The following IL12RB1 variants were observed in gnomAD, a reference collection of about 807,000 sequenced individuals.
IL12RB1 encodes the protein interleukin-12 receptor subunit beta-1.
In IL12RB1, 64 loss-of-function variants were observed where a neutral mutation model predicts 94.4. That is an observed-to-expected ratio of 0.68 (90% CI 0.55 to 0.83). IL12RB1 has a LOEUF of 0.83. Among genes scored for constraint, IL12RB1 ranks in the 40% least tolerant of loss-of-function variants. The pLI, the probability that IL12RB1 is intolerant of heterozygous loss-of-function variation, is 0.00. For synonymous variants in IL12RB1, 362 were observed against 355.5 expected (o/e 1.02, Z -0.21); for missense variants, 814 against 855.6 (o/e 0.95, Z 0.61).
In IL12RB1 at chr19:18,080,985, A is replaced by C; in HGVS notation, c.256T>G (p.Cys86Gly). 1 of 1,612,640 alleles carries C rather than the reference A, an allele frequency of 6.2e-7. No homozygotes were observed. ...GCTGAGCCGGCGGCGAAGTAGCAGC[A>C]GCGCCCGGAGCTAAGGCTGCAGCAG... is the stretch of plus-strand genomic sequence containing the variant. Reference protein sequence around the residue: ...FLRCCLSSGRCCYFAAGSATR... With the variant: ...FLRCCLSSGRGCYFAAGSATR... Residue 86 changes from cysteine to glycine, a missense_variant, in exon 4 of 17, where the codon TGC becomes GGC. By Grantham distance (159) the Cys-to-Gly change is radical. Coordinates refer to ENST00000593993, the MANE Select transcript of IL12RB1 (RefSeq NM_005535.3).
rs142394519 is a variant in IL12RB1 at position 18,064,895 on chromosome 19, G to T, written c.1484-885C>A. ...AAAGCAGGTCCTGGGCTTTCCATAA[G>T]ACACGCCCACCAGTGTGCCATGTCA... On this transcript the variant is annotated intron_variant, in intron 12 of 16. Coordinates refer to ENST00000593993, the MANE Select transcript of IL12RB1 (RefSeq NM_005535.3). Among the ~76,000 whole-genome samples, 355 of 152,210 alleles carry T rather than the reference G, an allele frequency of 2.3e-3. 1 individual carries two copies. Among genetic ancestry groups the T allele is most frequent in the Middle Eastern group, 6.8e-3 (2 of 294 alleles).
At chr19:18,088,159 A>G (rs2036457593), upstream of IL12RB1, among the ~76,000 whole-genome samples, 2 of 152,030 alleles carry the variant, frequency 1.3e-5, no homozygotes, top group South Asian at 4.2e-4. Flanking sequence ...AGGCCAAGGC[A>G]GGTGGATCAC....
chr19:18,065,606 G>A (rs1203910616), intron 12 of IL12RB1, among the ~76,000 whole-genome samples: 1 of 152,114 alleles, frequency 6.6e-6, no homozygotes, highest in African/African-American at 2.4e-5. Context: ...TTCACCTGAG[G>A]TCAAGAGTTT....
At chr19:18,072,567 T>C (rs939097346) in intron 8 of IL12RB1, among the ~76,000 whole-genome samples, 9 of 151,944 alleles carry the variant, frequency 5.9e-5, no homozygotes, top group South Asian at 2.1e-4. Context: ...AGGTGGGAAA[T>C]TGACAAAACC....
At chr19:18,073,888 G>A (rs1444599028) in intron 7 of IL12RB1, among the ~76,000 whole-genome samples, 5 of 152,166 alleles carry the variant, frequency 3.3e-5, no homozygotes, top group African/African-American at 1.2e-4. Flanking sequence ...GCACTGGTGC[G>A]ATCTCGGCTC....
At chr19:18,098,719 A>G (rs1336499547) in intron 1 of IL12RB1, 1 of 456,686 alleles carries the variant, frequency 2.2e-6, no homozygotes. Flanking sequence ...GAAGCCACCA[A>G]GTTTTCAGGT....
Position 18,062,243 on chromosome 19 carries a change from G to A in IL12RB1, c.1653C>T (p.Ala551=), listed in dbSNP as rs768958730. 1.9e-5 allele frequency: 30 copies of A among 1,612,936 alleles called. No individual in the cohort carries two copies. Among genetic ancestry groups the A allele is most frequent in the Non-Finnish European group, 1.9e-5 (22 of 1,179,394 alleles). ...GGATGCTCAGGAAGCTCCCCAGGGA[G>A]GCGAAGAAGATGAGCCAATCAGAAA... ...VQVSDWLIFF[A]SLGSFLSILL... is the part of the protein sequence containing the mutation. Residue 551 remains alanine (A), a synonymous_variant, in exon 14 of 17, where the codon GCC becomes GCT. Coordinates refer to ENST00000593993, the MANE Select transcript of IL12RB1 (RefSeq NM_005535.3).
chr19:18,091,982 T>G (rs1438693263), upstream of IL12RB1, among the ~76,000 whole-genome samples: 1 of 150,662 alleles, frequency 6.6e-6, no homozygotes, highest in Admixed American at 6.6e-5. Flanking sequence ...GTTTAAGCAA[T>G]TCTCCTGCCT....
rs188077853 is a variant in IL12RB1 at position 18,069,858 on chromosome 19, C to G, written c.1022-145G>C. On this transcript the variant is annotated intron_variant, in intron 9 of 16. Transcript: ENST00000593993. ...GGGGTGTCTGTGTTTGGCTGTTTCC[C>G]TGCACTGGAGGCTGCCTTGGGGCCA... 5 of 668,202 alleles carry G rather than the reference C, an allele frequency of 7.5e-6. No individual in the cohort carries two copies. In the Admixed American group the frequency reaches 1.2e-4, roughly 16 times the overall value. The allele number at this position is 668,202 out of a possible 1,614,324, so 41.4% of individuals were successfully genotyped here.
intron 12 of IL12RB1, among the ~76,000 whole-genome samples, chr19:18,064,728 C>T (rs145968250): frequency 1.8e-3 from 275 of 152,282 alleles, no homozygotes; most frequent in Admixed American, 5.0e-3. Flanking sequence ...CCCGCCTCAG[C>T]CTCCCAAAGT....
At chr19:18,087,278 C>G (rs2036410873), upstream of IL12RB1, among the ~76,000 whole-genome samples, 1 of 150,902 alleles carries the variant, frequency 6.6e-6, no homozygotes, top group Admixed American at 6.6e-5. Context: ...GGCATGATCT[C>G]CACTCACTGC....
At chr19:18,092,527 A>G (rs1473708415) in intron 1 of IL12RB1, among the ~76,000 whole-genome samples, 1 of 151,452 alleles carries the variant, frequency 6.6e-6, no homozygotes, top group African/African-American at 2.4e-5. Context: ...AAAATTAGCC[A>G]GGCATGGTGG....
At chr19:18,088,815 A>G (rs1442753028), upstream of IL12RB1, among the ~76,000 whole-genome samples, 2 of 151,968 alleles carry the variant, frequency 1.3e-5, no homozygotes, top group Non-Finnish European at 2.9e-5. Flanking sequence ...GGATCACCTG[A>G]GGTCAGGAGT....
chr19:18,083,394 A>G (rs752815122), intron 2 of IL12RB1, 38 bp downstream of exon 2: 2 of 1,600,290 alleles, frequency 1.2e-6, no homozygotes, highest in South Asian at 1.1e-5. Context: ...GCAGAGCCCT[A>G]CATAATCCTC....
chr19:18,072,417 G>A, intron 8 of IL12RB1, 68 bp from the exon 9 acceptor site: 1 of 989,538 alleles, frequency 1.0e-6, no homozygotes, highest in South Asian at 1.3e-5. Flanking sequence ...GCAGACAGCA[G>A]GGCACAGCCT....
intron 2 of IL12RB1, chr19:18,083,187 G>A (rs370327435): frequency 3.8e-5 from 23 of 609,322 alleles, no homozygotes; most frequent in African/African-American, 1.3e-4. Context: ...CAATCTGAAC[G>A]GACACAGACA....
chr19:18,063,887 C>G lies in IL12RB1; in HGVS notation c.1607G>C (p.Arg536Pro), dbSNP rs374732718. The change falls in exon 13 of 17, where the codon CGC (arginine) becomes CCC (proline). Residue 536 changes from arginine (R) to proline (P), a missense_variant. By Grantham distance (103) the Arg-to-Pro change is moderately radical. Coordinates refer to ENST00000593993, the MANE Select transcript of IL12RB1 (RefSeq NM_005535.3). ...WLRGVWSQPQ[R>P]FSIEVQVSDW... ...CCCCCTCCACTCACCGATGCTGAAG[C>G]GCTGGGGCTGGCTCCAGACACCCCT... 1 of 1,613,208 alleles carries G rather than the reference C, an allele frequency of 6.2e-7. No homozygotes were observed. The highest frequency in any genetic ancestry group is 2.2e-5 in the East Asian group (1 of 44,870).
chr19:18,060,628 G>GC (rs2034052830), intron 15 of IL12RB1, among the ~76,000 whole-genome samples: 1 of 152,034 alleles, frequency 6.6e-6, no homozygotes, highest in South Asian at 2.1e-4. Context: ...CTCAGCTCTA[G>GC]CAATGGTCAT....
chr19:18,067,385 C>T (rs1408409069), intron 11 of IL12RB1, among the ~76,000 whole-genome samples: 1 of 151,184 alleles, frequency 6.6e-6, no homozygotes, highest in African/African-American at 2.4e-5. Flanking sequence ...AATGCCCAGC[C>T]TCCCACTGTC....
Sources: allele counts gnomAD v4.1 joint callset (sites outside exome capture counted in the v4.1 genomes callset), GRCh38; gene constraint gnomAD v4.1.1; transcripts MANE v1.5; gene names NCBI Gene and HGNC (gene_info 2026-07-23, HGNC 2026-07-21).